The following SYT9 variants were observed in gnomAD, a reference collection of about 807,000 sequenced individuals.
SYT9 encodes synaptotagmin 9, also known as synaptotagmin-9.
SYT9 carries 22 observed loss-of-function variants against 48.4 expected under a neutral mutation model. The observed-to-expected ratio is 0.45, with a 90% CI of 0.32 to 0.65. SYT9 has a LOEUF of 0.65. Ranked by LOEUF, SYT9 falls within the 30% of genes least tolerant of loss-of-function variation. The pLI, the probability that SYT9 is intolerant of heterozygous loss-of-function variation, is 0.03. For missense variants in SYT9, 577 were observed against 622.0 expected (o/e 0.93, Z 0.77); for synonymous variants, 265 against 245.0 (o/e 1.08, Z -0.76).
chr11:7,374,638 T>G (rs1589980983), intron 3 of SYT9, among the ~76,000 whole-genome samples: 1 of 152,332 alleles, frequency 6.6e-6, no homozygotes, highest in Admixed American at 6.5e-5. Context: ...GGTATCTCAT[T>G]GTGGTTTTGA....
At chr11:7,447,686 A>G (rs1847959948) in intron 6 of SYT9, among the ~76,000 whole-genome samples, 2 of 151,366 alleles carry the variant, frequency 1.3e-5, no homozygotes, top group Admixed American at 1.3e-4. Context: ...GGCCATACAG[A>G]TAACCTTTTC....
intron 1 of SYT9, among the ~76,000 whole-genome samples, chr11:7,264,524 C>T (rs1182759818): frequency 6.6e-6 from 1 of 151,702 alleles, no homozygotes; most frequent in African/African-American, 2.4e-5. Flanking sequence ...GAGAGAAAAG[C>T]GGATATGTAA....
intron 6 of SYT9, among the ~76,000 whole-genome samples, chr11:7,436,303 G>A (rs922686471): frequency 2.0e-5 from 3 of 152,192 alleles, no homozygotes; most frequent in Non-Finnish European, 4.4e-5. Flanking sequence ...TGAAGAAAGA[G>A]CAGGTTAGGA....
At chr11:7,268,578 A>G (rs1316934830) in intron 1 of SYT9, among the ~76,000 whole-genome samples, 2 of 152,016 alleles carry the variant, frequency 1.3e-5, no homozygotes, top group Admixed American at 1.3e-4. Flanking sequence ...AGGAATGGTA[A>G]AGCACTAGGA....
At chr11:7,275,717 G>C (rs1848376978) in intron 1 of SYT9, among the ~76,000 whole-genome samples, 1 of 152,134 alleles carries the variant, frequency 6.6e-6, no homozygotes. Flanking sequence ...TTGCATAGAT[G>C]AAGGAGCCTC....
chr11:7,360,969 T>C (rs1850124234), intron 3 of SYT9, among the ~76,000 whole-genome samples: 1 of 152,180 alleles, frequency 6.6e-6, no homozygotes, highest in African/African-American at 2.4e-5. Flanking sequence ...TCATTAAGTT[T>C]TCAAATTTCT....
intron 1 of SYT9, among the ~76,000 whole-genome samples, chr11:7,270,982 C>T (rs1848285803): frequency 6.6e-6 from 1 of 151,816 alleles, no homozygotes; most frequent in South Asian, 2.1e-4. Flanking sequence ...GGCTCTGCCT[C>T]TAAGAACTGT....
chr11:7,364,537 T>C (rs540658089), intron 3 of SYT9, among the ~76,000 whole-genome samples: 342 of 152,322 alleles, frequency 2.2e-3, no homozygotes, highest in Non-Finnish European at 4.2e-3. Flanking sequence ...GTGTATGCCA[T>C]GCAGATGGCA....
chr11:7,279,556 T>C lies in SYT9; in HGVS notation c.146-23483T>C, dbSNP rs916156124. Among the ~76,000 whole-genome samples, 92 of 152,114 alleles carry C rather than the reference T, an allele frequency of 6.0e-4. 1 individual carries two copies. The highest frequency in any genetic ancestry group is 1.1e-3 in the Admixed American group (17 of 15,268). On this transcript the variant is annotated intron_variant, in intron 1 of 6. Coordinates refer to ENST00000318881, the MANE Select transcript of SYT9 (RefSeq NM_175733.4). ...ACTGCATTTCCCCAACTGAGAACCATGACCACCTCCCGCCTTCAGAGATAC... is the reference window on the plus strand; with the variant it reads ...ACTGCATTTCCCCAACTGAGAACCACGACCACCTCCCGCCTTCAGAGATAC...
chr11:7,378,062 C>G (rs1259801218), intron 3 of SYT9, among the ~76,000 whole-genome samples: 2 of 150,018 alleles, frequency 1.3e-5, no homozygotes, highest in Admixed American at 1.3e-4. Context: ...AAGCAGAGAG[C>G]ACAGGCTAGG....
At chr11:7,279,121 A>G (rs1247021130) in intron 1 of SYT9, among the ~76,000 whole-genome samples, 1 of 152,162 alleles carries the variant, frequency 6.6e-6, no homozygotes, top group Non-Finnish European at 1.5e-5. Context: ...CCCAGTTCTC[A>G]ACAGTGGAGG....
chr11:7,459,528 T>C (rs927529900), intron 6 of SYT9, among the ~76,000 whole-genome samples: 1 of 152,150 alleles, frequency 6.6e-6, no homozygotes, highest in African/African-American at 2.4e-5. Context: ...ACAAATAAGA[T>C]GTAAATAAAA....
chr11:7,345,702 C>T (rs1849787709), intron 3 of SYT9, among the ~76,000 whole-genome samples: 1 of 152,178 alleles, frequency 6.6e-6, no homozygotes, highest in African/African-American at 2.4e-5. Flanking sequence ...ATAGACTAGG[C>T]TGGAGCTCAG....
At chr11:7,332,870 C>T (rs1196422708) in intron 3 of SYT9, among the ~76,000 whole-genome samples, 1 of 152,200 alleles carries the variant, frequency 6.6e-6, no homozygotes, top group Admixed American at 6.5e-5. Flanking sequence ...GCAATTTCAT[C>T]TCTGAAGAAA....
intron 1 of SYT9, among the ~76,000 whole-genome samples, chr11:7,268,118 A>T (rs1441045532): frequency 2.6e-5 from 4 of 151,998 alleles, no homozygotes; most frequent in Non-Finnish European, 5.9e-5. Context: ...TAAGTACTAC[A>T]TCAGCCCTCT....
intron 5 of SYT9, among the ~76,000 whole-genome samples, 163 bp downstream of exon 5, chr11:7,418,291 C>T (rs1847289384): frequency 1.3e-5 from 2 of 152,320 alleles, no homozygotes; most frequent in South Asian, 4.1e-4. Flanking sequence ...CACCTCTAAA[C>T]CATGCTGTAG....
Position 7,430,214 on chromosome 11 carries a change from CAT to C in SYT9, c.1467+9582_1467+9583del, listed in dbSNP as rs371723362. On this transcript the variant is annotated intron_variant, in intron 6 of 6. Transcript: ENST00000318881. Reference sequence around the variant, plus strand: ...TCTTCAGTCATTGGTGGTAGAATTACATATTTTTTTCGCACCTTAGATAAAAT... The same window carrying C: ...TCTTCAGTCATTGGTGGTAGAATTACATTTTTTTCGCACCTTAGATAAAAT... 3.6e-4 allele frequency among the ~76,000 whole-genome samples: 55 copies of C among 152,246 alleles called. No individual in the cohort carries two copies. In the East Asian group the frequency reaches 9.4e-3, roughly 26 times the overall value.
chr11:7,448,008 C>T (rs1194591282), intron 6 of SYT9, among the ~76,000 whole-genome samples: 20 of 152,218 alleles, frequency 1.3e-4, no homozygotes, highest in Admixed American at 6.5e-5. Flanking sequence ...TGTCTACACT[C>T]GAAAAAGCTG....
At chr11:7,258,732 A>T (rs1848023545) in intron 1 of SYT9, among the ~76,000 whole-genome samples, 1 of 152,108 alleles carries the variant, frequency 6.6e-6, no homozygotes, top group Non-Finnish European at 1.5e-5. Flanking sequence ...TTGTGCCCAG[A>T]GTAAATGCTC....
Sources: allele counts gnomAD v4.1 joint callset (sites outside exome capture counted in the v4.1 genomes callset), GRCh38; gene constraint gnomAD v4.1.1; transcripts MANE v1.5; gene names NCBI Gene and HGNC (gene_info 2026-07-23, HGNC 2026-07-21).